The following KLHL1 variants were observed in gnomAD, a reference collection of about 807,000 sequenced individuals.
KLHL1 encodes kelch-like protein 1.
KLHL1 carries 47 observed loss-of-function variants against 77.7 expected under a neutral mutation model. The observed-to-expected ratio is 0.60, with a 90% CI of 0.48 to 0.77. KLHL1 has a LOEUF of 0.77. Among genes scored for constraint, KLHL1 ranks in the 30% least tolerant of loss-of-function variants. The pLI, the probability that KLHL1 is intolerant of heterozygous loss-of-function variation, is 0.00. For missense variants in KLHL1, 925 were observed against 910.8 expected (o/e 1.02, Z -0.20); for synonymous variants, 360 against 325.2 (o/e 1.11, Z -1.15).
rs577792704 is a variant in KLHL1, at chr13:69,739,385, C to A, written c.1802+1009G>T. On this transcript the variant is annotated intron_variant, in intron 8 of 10. Coordinates refer to ENST00000377844, the MANE Select transcript of KLHL1 (RefSeq NM_020866.3). ...CCAGACAGCATTATGATGTCAGGAT[C>A]AAATTCACACATAACCATATTAACC... 5.9e-5 allele frequency among the ~76,000 whole-genome samples: 9 copies of A among 152,292 alleles called. No individual in the cohort carries two copies. In the South Asian group the frequency reaches 1.9e-3, roughly 32 times the overall value.
rs143899199 is a variant in KLHL1 at position 69,993,958 on chromosome 13, G to A, written c.498-18156C>T. Among the ~76,000 whole-genome samples, 503 of 152,036 alleles carry A rather than the reference G, an allele frequency of 3.3e-3. 3 individuals are homozygous for A. The highest frequency in any genetic ancestry group is 0.011 in the African/African-American group (476 of 41,498). On this transcript the variant is annotated intron_variant, in intron 1 of 10. Coordinates refer to ENST00000377844, the MANE Select transcript of KLHL1 (RefSeq NM_020866.3). ...AGACATGGAATATAGAGCTGATAAA[G>A]GACAAAGATTTGGGTCATTAACTAG...
At chr13:69,985,970 G>A (rs1484192885) in intron 1 of KLHL1, among the ~76,000 whole-genome samples, 1 of 149,866 alleles carries the variant, frequency 6.7e-6, no homozygotes, top group African/African-American at 2.4e-5. Context: ...GATCATTCAT[G>A]TTGCAAATGA....
chr13:69,881,995 G>C (rs1399160563), intron 5 of KLHL1, among the ~76,000 whole-genome samples: 1 of 151,698 alleles, frequency 6.6e-6, no homozygotes, highest in African/African-American at 2.4e-5. Context: ...CAAAACTTCT[G>C]TATGGCAGTA....
chr13:69,779,187 C>A (rs542971782), intron 7 of KLHL1, among the ~76,000 whole-genome samples: 1 of 152,168 alleles, frequency 6.6e-6, no homozygotes, highest in South Asian at 2.1e-4. Context: ...TGAACAAGTA[C>A]ATAATGCATT....
At chr13:70,030,959 T>A (rs955350895) in intron 1 of KLHL1, among the ~76,000 whole-genome samples, 11 of 152,156 alleles carry the variant, frequency 7.2e-5, no homozygotes, top group Admixed American at 4.6e-4. Flanking sequence ...GAGAATACTA[T>A]AAACACTTCT....
chr13:69,947,127 C>A (rs1473674314), intron 3 of KLHL1, among the ~76,000 whole-genome samples: 3 of 150,390 alleles, frequency 2.0e-5, no homozygotes, highest in Non-Finnish European at 3.0e-5. Context: ...GTTTCCATCA[C>A]CCCTTGTGAA....
In KLHL1 at chr13:69,976,840, G is replaced by T. The variant is rs2137293381; in HGVS notation, c.498-1038C>A. 1.3e-5 allele frequency among the ~76,000 whole-genome samples: 2 copies of T among 152,138 alleles called. 1 individual carries two copies. Among genetic ancestry groups the T allele is most frequent in the South Asian group, 4.1e-4 (2 of 4,826 alleles). On this transcript the variant is annotated intron_variant, in intron 1 of 10. Coordinates refer to ENST00000377844, the MANE Select transcript of KLHL1 (RefSeq NM_020866.3). ...TACTGAGGCAATCAGGACTTAGAAA[G>T]CTAAGATCCTGAAATACAGATAAAT...
At chr13:70,077,101 G>A (rs1004326291) in intron 1 of KLHL1, among the ~76,000 whole-genome samples, 2 of 151,912 alleles carry the variant, frequency 1.3e-5, no homozygotes, top group African/African-American at 4.8e-5. Flanking sequence ...TCTACCAAAT[G>A]AAACTGCAAT....
At chr13:69,865,597 T>C (rs1566342395) in intron 5 of KLHL1, among the ~76,000 whole-genome samples, 1 of 152,080 alleles carries the variant, frequency 6.6e-6, no homozygotes, top group Non-Finnish European at 1.5e-5. Context: ...GCAATTTACA[T>C]GGAGTCCGTT....
chr13:70,079,427 C>T (rs897462101), intron 1 of KLHL1, among the ~76,000 whole-genome samples: 1 of 152,156 alleles, frequency 6.6e-6, no homozygotes, highest in African/African-American at 2.4e-5. Flanking sequence ...CCAAGATATA[C>T]AACTCACTAA....
At chr13:70,085,306 A>G (rs1887509272) in intron 1 of KLHL1, among the ~76,000 whole-genome samples, 1 of 152,186 alleles carries the variant, frequency 6.6e-6, no homozygotes, top group South Asian at 2.1e-4. Flanking sequence ...GTTGAACATC[A>G]TTTTTATTGC....
rs115592740 is a variant in KLHL1, at chr13:70,032,960, C to A, written c.498-57158G>T. ...TCAATTGCAGCTCTTAGTTTTTGAT[C>A]ATAGATATTTTGAATTCAATGGGAT... On this transcript the variant is annotated intron_variant, in intron 1 of 10. Coordinates refer to ENST00000377844, the MANE Select transcript of KLHL1 (RefSeq NM_020866.3). Among the ~76,000 whole-genome samples the A allele has an allele frequency of 8.6e-3, 1,309 of 152,134 alleles. 20 individuals are homozygous for A. The highest frequency in any genetic ancestry group is 0.03 in the African/African-American group (1,260 of 41,536).
chr13:69,791,167 T>C (rs1876855542), intron 7 of KLHL1, among the ~76,000 whole-genome samples: 2 of 152,052 alleles, frequency 1.3e-5, no homozygotes, highest in African/African-American at 2.4e-5. Context: ...ATACAAACTG[T>C]ATTTCTATAC....
At chr13:69,813,885 T>G (rs116878791) in intron 6 of KLHL1, among the ~76,000 whole-genome samples, 235 of 152,260 alleles carry the variant, frequency 1.5e-3, no homozygotes, top group Non-Finnish European at 2.3e-3. Flanking sequence ...TTCACAGACT[T>G]AGAAGAACTT....
chr13:69,890,709 T>C (rs1487616440), intron 4 of KLHL1, among the ~76,000 whole-genome samples: 1 of 151,858 alleles, frequency 6.6e-6, no homozygotes, highest in Non-Finnish European at 1.5e-5. Context: ...TACCATTCTT[T>C]AATCTGTATA....
At chr13:70,042,988 C>T (rs1886412698) in intron 1 of KLHL1, among the ~76,000 whole-genome samples, 1 of 152,166 alleles carries the variant, frequency 6.6e-6, no homozygotes. Flanking sequence ...TCACTGCAAC[C>T]TCCGCCTCCC....
chr13:70,027,405 C>T (rs1885977287), intron 1 of KLHL1, among the ~76,000 whole-genome samples: 1 of 151,878 alleles, frequency 6.6e-6, no homozygotes, highest in Non-Finnish European at 1.5e-5. Flanking sequence ...TCCCTTCATC[C>T]ATGAGTCCCA....
intron 8 of KLHL1, among the ~76,000 whole-genome samples, chr13:69,725,432 C>A (rs1393184347): frequency 2.0e-5 from 3 of 152,116 alleles, no homozygotes; most frequent in Admixed American, 6.6e-5. Flanking sequence ...GCACAACTCA[C>A]TTCTCACATC....
At chr13:69,888,631 GA>G (rs1881306474) in intron 4 of KLHL1, among the ~76,000 whole-genome samples, 1 of 152,084 alleles carries the variant, frequency 6.6e-6, no homozygotes, top group South Asian at 2.1e-4. Context: ...GAAGAAGCAA[GA>G]AAGGATTCTT....
Sources: allele counts gnomAD v4.1 joint callset (sites outside exome capture counted in the v4.1 genomes callset), GRCh38; gene constraint gnomAD v4.1.1; transcripts MANE v1.5; gene names NCBI Gene and HGNC (gene_info 2026-07-23, HGNC 2026-07-21).